Variants in TMEM33 observed in about 807,000 individuals in gnomAD.
The protein encoded by TMEM33 is transmembrane protein 33.
In TMEM33, 16 loss-of-function variants were observed where a neutral mutation model predicts 29.7. The ratio of observed to expected loss-of-function variants is 0.54; its 90% CI spans 0.36 to 0.82. The LOEUF (loss-of-function observed/expected upper bound fraction) is 0.82. Ranked by LOEUF, TMEM33 falls within the 40% of genes least tolerant of loss-of-function variation. TMEM33 has a pLI of 0.00. For synonymous variants in TMEM33, 112 were observed against 109.4 expected, an observed-to-expected ratio of 1.02 and a Z score of -0.15; for missense variants, 252 against 295.3, an observed-to-expected ratio of 0.85 and a Z score of 1.08.
chr4:41,959,081 A>G lies in TMEM33; in HGVS notation c.*4882A>G, dbSNP rs1325691882. Reference sequence around the variant, plus strand: ...GGATTAGGAGAATTCCACAGAGCCTATATGATATTATAGCTCAACATTTAG... The same window carrying G: ...GGATTAGGAGAATTCCACAGAGCCTGTATGATATTATAGCTCAACATTTAG... On this transcript the variant is annotated 3_prime_UTR_variant, in exon 7 of 7. Coordinates refer to ENST00000504986, the MANE Select transcript of TMEM33 (RefSeq NM_018126.3). 6.6e-6 allele frequency: 1 copy of G among 152,146 alleles called. No homozygotes were observed. Among genetic ancestry groups the G allele is most frequent in the Non-Finnish European group, 1.5e-5 (1 of 68,006 alleles). The allele number at this position is 152,146 out of a possible 1,614,324, so 9.4% of individuals were successfully genotyped here.
At position 41,949,306 on chromosome 4, in the gene TMEM33, C is replaced by A; in HGVS notation, c.535C>A (p.Gln179Lys). 1 of 1,606,256 alleles carries A rather than the reference C, an allele frequency of 6.2e-7. No individual in the cohort carries two copies. Among genetic ancestry groups the A allele is most frequent in the South Asian group, 1.1e-5 (1 of 89,926 alleles). Residue 179 changes from glutamine to lysine, a missense_variant, in exon 6 of 7, where the codon CAA (glutamine) becomes AAA (lysine). By Grantham distance (53) the Gln-to-Lys change is moderately conservative (BLOSUM62 1). Transcript: ENST00000504986. The part of the protein sequence containing the change: ...PATVFMLFSG[Q>K]GSLLQPFIYY... ...GCTTGTATTTGTTTATTTCAGTGGT[C>A]AAGGAAGTTTGCTCCAACCTTTTAT...
At chr4:41,947,184 C>T (rs1009755409) in intron 5 of TMEM33, among the ~76,000 whole-genome samples, 3 of 150,704 alleles carry the variant, frequency 2.0e-5, no homozygotes, top group African/African-American at 7.3e-5. Flanking sequence ...TGCAGTGAGC[C>T]GAGATCGTGC....
At chr4:41,949,878 G>A (rs1446071731) in intron 6 of TMEM33, among the ~76,000 whole-genome samples, 1 of 152,132 alleles carries the variant, frequency 6.6e-6, no homozygotes, top group African/African-American at 2.4e-5. Flanking sequence ...CTTTTGAATA[G>A]GGAAAAGCAT....
rs1713386886 is a variant in TMEM33 at position 41,959,176 on chromosome 4, T to G, written c.*4977T>G. 1 of 152,196 alleles carries G rather than the reference T, an allele frequency of 6.6e-6. No individual in the cohort carries two copies. The highest frequency in any genetic ancestry group is 1.5e-5 in the Non-Finnish European group (1 of 68,020). The allele number at this position is 152,196 out of a possible 1,614,324, so 9.4% of individuals were successfully genotyped here. A position where few individuals can be genotyped will look rare whatever the true frequency, so the allele number is the denominator to read the frequency against. The stretch of plus-strand genomic sequence containing the variant: ...GATTGTTTTAAGGAGCAGTCTTATA[T>G]TCAGGGTAGAAAGTTATGATTGGAT... On this transcript the variant is annotated 3_prime_UTR_variant, in exon 7 of 7. Coordinates refer to ENST00000504986, the MANE Select transcript of TMEM33 (RefSeq NM_018126.3).
In TMEM33 at chr4:41,955,754, A is replaced by G. The variant is rs557781425; in HGVS notation, c.*1555A>G. The G allele has an allele frequency of 4.5e-4, 69 of 152,718 alleles. 1 individual carries two copies. The highest frequency in any genetic ancestry group is 6.0e-4 in the African/African-American group (25 of 41,558). 9.5% of individuals were successfully genotyped at this position (152,718 alleles called of 1,614,324 possible). A position where few individuals can be genotyped will look rare whatever the true frequency, so the allele number is the denominator to read the frequency against. On this transcript the variant is annotated 3_prime_UTR_variant, in exon 7 of 7. Coordinates refer to ENST00000504986, the MANE Select transcript of TMEM33 (RefSeq NM_018126.3). The stretch of plus-strand genomic sequence containing the variant: ...TTATTGTCACTATGTAAGTAATCCA[A>G]TGGTTTTAGAAACTAAACTTTCTAG...
chr4:41,939,760 T>A, intron 3 of TMEM33: 1 of 457,346 alleles, frequency 2.2e-6, no homozygotes, highest in Non-Finnish European at 4.4e-6. Flanking sequence ...GGTCCTCAGC[T>A]CTTTCCATCT....
chr4:41,954,248 T>C lies in TMEM33; in HGVS notation c.*49T>C. 1 of 1,590,192 alleles carries C rather than the reference T, an allele frequency of 6.3e-7. No homozygotes were observed. ...ATATAGTATAAGCATTATTAGCAGC[T>C]GGTACTTCTGCTAGGGGTTGTAAAT... On this transcript the variant is annotated 3_prime_UTR_variant, in exon 7 of 7. Coordinates refer to ENST00000504986, the MANE Select transcript of TMEM33 (RefSeq NM_018126.3).
In TMEM33 at chr4:41,955,024, TTGAC is replaced by T. The variant is rs1226279180; in HGVS notation, c.*828_*831del. ...TTGTAGAACTACCTAGTTCAGAATC[TTGAC>T]TGCCAGTTTTCTTGGTTTCTTAGGC... On this transcript the variant is annotated 3_prime_UTR_variant, in exon 7 of 7. Transcript: ENST00000504986. The T allele has an allele frequency of 6.6e-6, 1 of 152,666 alleles. No homozygotes were observed. Among genetic ancestry groups the T allele is most frequent in the African/African-American group, 2.4e-5 (1 of 41,462 alleles). The allele number at this position is 152,666 out of a possible 1,614,324, so 9.5% of individuals were successfully genotyped here.
intron 6 of TMEM33, 191 bp from the exon 7 acceptor site, chr4:41,953,879 A>C (rs1474260412): frequency 4.5e-6 from 3 of 659,804 alleles, no homozygotes; most frequent in Non-Finnish European, 8.3e-6. Flanking sequence ...AAGAATTGGC[A>C]AAGTGTGACG....
rs1713324270 is a variant in TMEM33 at position 41,957,631 on chromosome 4, C to T, written c.*3432C>T. On this transcript the variant is annotated 3_prime_UTR_variant, in exon 7 of 7. Transcript: ENST00000504986. The stretch of plus-strand genomic sequence containing the variant: ...TTTTTTAAGTTTTAGTTCAGAATAA[C>T]ATTAATTTTGAGAGATTGAGGTAAA... 1 of 149,086 alleles carries T rather than the reference C, an allele frequency of 6.7e-6. No homozygotes were observed. The highest frequency in any genetic ancestry group is 1.5e-5 in the Non-Finnish European group (1 of 67,480). The allele number at this position is 149,086 out of a possible 1,614,324, so 9.2% of individuals were successfully genotyped here.
chr4:41,959,522 A>G lies in TMEM33; in HGVS notation c.*5323A>G, dbSNP rs918632711. ...AAATCTAACAATTAGCTCATATTCC[A>G]TGAGAAAGAGTGGCCTAAGAATTAT... On this transcript the variant is annotated 3_prime_UTR_variant, in exon 7 of 7. Transcript: ENST00000504986. 2 of 152,256 alleles carry G rather than the reference A, an allele frequency of 1.3e-5. No homozygotes were observed. Among genetic ancestry groups the G allele is most frequent in the Non-Finnish European group, 1.5e-5 (1 of 68,036 alleles). The allele number at this position is 152,256 out of a possible 1,614,324, so 9.4% of individuals were successfully genotyped here.
intron 1 of TMEM33, 145 bp from the exon 2 acceptor site, chr4:41,938,457 T>C: frequency 1.4e-6 from 1 of 692,716 alleles, no homozygotes; most frequent in Admixed American, 2.5e-5. Flanking sequence ...AACATGTAAT[T>C]GCCTTAGAGT....
chr4:41,940,046 CT>C (rs71650953), intron 3 of TMEM33, among the ~76,000 whole-genome samples: 1,116 of 81,326 alleles, frequency 0.014, 21 homozygotes, highest in African/African-American at 0.049. Context: ...GTTAAACTTT[CT>C]TTTTTTTTTT....
intron 5 of TMEM33, among the ~76,000 whole-genome samples, chr4:41,946,037 T>G (rs1712771963): frequency 1.3e-5 from 2 of 149,402 alleles, no homozygotes; most frequent in South Asian, 4.2e-4. Flanking sequence ...TTCCCACTTG[T>G]ATGTTTTCAT....
intron 3 of TMEM33, among the ~76,000 whole-genome samples, chr4:41,941,956 T>C (rs1014648761): frequency 2.0e-5 from 3 of 152,212 alleles, no homozygotes; most frequent in African/African-American, 4.8e-5. Context: ...AACTATAGAA[T>C]GTTAGACATA....
chr4:41,956,890 A>C lies in TMEM33; in HGVS notation c.*2691A>C, dbSNP rs1000045598. 1 of 152,222 alleles carries C rather than the reference A, an allele frequency of 6.6e-6. No homozygotes were observed. Among genetic ancestry groups the C allele is most frequent in the Non-Finnish European group, 1.5e-5 (1 of 68,012 alleles). The allele number at this position is 152,222 out of a possible 1,614,324, so 9.4% of individuals were successfully genotyped here. Reference sequence around the variant, plus strand: ...AAATTCTGCAATAGGAATATCTACAACCGGCTGATTTGGAATTTGAAATTA... The same window carrying C: ...AAATTCTGCAATAGGAATATCTACACCCGGCTGATTTGGAATTTGAAATTA... On this transcript the variant is annotated 3_prime_UTR_variant, in exon 7 of 7. Transcript: ENST00000504986.
At chr4:41,941,223 C>A (rs1712526303) in intron 3 of TMEM33, among the ~76,000 whole-genome samples, 1 of 152,132 alleles carries the variant, frequency 6.6e-6, no homozygotes, top group Non-Finnish European at 1.5e-5. Flanking sequence ...TTAGGTAAAA[C>A]TCATTAAATG....
rs1713296274 is a variant in TMEM33, at chr4:41,956,860, G to C, written c.*2661G>C. On this transcript the variant is annotated 3_prime_UTR_variant, in exon 7 of 7. Coordinates refer to ENST00000504986, the MANE Select transcript of TMEM33 (RefSeq NM_018126.3). The stretch of plus-strand genomic sequence containing the variant: ...GATGTTTAGTTTGCATGAACTCATA[G>C]TTAGAAATTCTGCAATAGGAATATC... The C allele has an allele frequency of 6.6e-6, 1 of 152,080 alleles. No homozygotes were observed. The highest frequency in any genetic ancestry group is 6.5e-5 in the Admixed American group (1 of 15,274). 9.4% of individuals were successfully genotyped at this position (152,080 alleles called of 1,614,324 possible).
intron 6 of TMEM33, among the ~76,000 whole-genome samples, chr4:41,952,192 A>G (rs985883279): frequency 6.6e-6 from 1 of 152,206 alleles, no homozygotes; most frequent in African/African-American, 2.4e-5. Context: ...TGGAAGCCTA[A>G]GAGTTGTAAT....
Sources: allele counts gnomAD v4.1 joint callset (sites outside exome capture counted in the v4.1 genomes callset), GRCh38; gene constraint gnomAD v4.1.1; transcripts MANE v1.5; gene names NCBI Gene and HGNC (gene_info 2026-07-23, HGNC 2026-07-21).